The following ZNF454 variants were observed in gnomAD, a reference collection of about 807,000 sequenced individuals.
ZNF454 encodes the protein zinc finger protein 454.
In ZNF454, 30 loss-of-function variants were observed where a neutral mutation model predicts 48.2. The observed-to-expected ratio is 0.62, with a 90% CI of 0.47 to 0.84. ZNF454 has a LOEUF of 0.84. ZNF454 is among the 40% of genes least tolerant of loss of function. The pLI, the probability that ZNF454 is intolerant of heterozygous loss-of-function variation, is 0.00. For missense variants in ZNF454, 510 were observed against 623.1 expected (o/e 0.82, Z 1.93); for synonymous variants, 204 against 211.4 (o/e 0.97, Z 0.30).
chr5:178,950,323 G>A (rs1390379639), intron 4 of ZNF454, among the ~76,000 whole-genome samples: 1 of 152,222 alleles, frequency 6.6e-6, no homozygotes, highest in African/African-American at 2.4e-5. Flanking sequence ...GATTTGGGGG[G>A]ATTTGTGTTG....
At chr5:178,978,533 C>T in the ZNF454 span, 1 of 152,324 alleles carries the variant, frequency 6.6e-6, no homozygotes, top group South Asian at 2.1e-4. Context: ...TACAGAAGCT[C>T]TTCTGTAGAA....
At chr5:178,986,885 C>T in the ZNF454 span, 1 of 1,614,162 alleles carries the variant, frequency 6.2e-7, no homozygotes, top group Non-Finnish European at 8.5e-7. Context: ...TGGTACCCGC[C>T]ACTGCTGGCA....
At chr5:178,950,873 T>A (rs1448872742) in intron 4 of ZNF454, among the ~76,000 whole-genome samples, 2 of 151,908 alleles carry the variant, frequency 1.3e-5, no homozygotes, top group Admixed American at 6.6e-5. Flanking sequence ...TTTTTTTTTT[T>A]TTGAGACAAG....
the ZNF454 span, chr5:178,989,392 G>T: frequency 1.2e-6 from 2 of 1,614,118 alleles, no homozygotes; most frequent in South Asian, 2.2e-5. Flanking sequence ...GAGTCATGAA[G>T]TACTGGTCAA....
chr5:178,983,257 T>C, the ZNF454 span: 7 of 1,573,246 alleles, frequency 4.4e-6, no homozygotes, highest in South Asian at 5.5e-5. Context: ...CACAGCACTT[T>C]CCAGGGACAA....
chr5:178,955,077 CTAGGAG>C (rs1759695445), intron 4 of ZNF454, among the ~76,000 whole-genome samples: 1 of 152,152 alleles, frequency 6.6e-6, no homozygotes, highest in Non-Finnish European at 1.5e-5. Context: ...GGGTAATTGC[CTAGGAG>C]TAGGATTGCT....
intron 1 of ZNF454, 48 bp from the exon 2 acceptor site, chr5:178,942,637 G>A (rs922956939): frequency 4.5e-5 from 33 of 726,206 alleles, no homozygotes; most frequent in Non-Finnish European, 6.7e-5. Flanking sequence ...TCACTGCCTC[G>A]CTCTGGACTG....
At chr5:178,942,563 G>T in intron 1 of ZNF454, 122 bp from the exon 2 acceptor site, 1 of 509,386 alleles carries the variant, frequency 2.0e-6, no homozygotes, top group East Asian at 3.2e-5. Flanking sequence ...GAGAGAATGG[G>T]GAGCAAACAG....
At chr5:178,974,312 GGTTGTTGTT>G in the ZNF454 span, among the ~76,000 whole-genome samples, 8 of 147,738 alleles carry the variant, frequency 5.4e-5, no homozygotes, top group Non-Finnish European at 7.4e-5. Context: ...TTGTGGTTGT[GGTTGTTGTT>G]GTTGTTGTTG....
chr5:178,985,352 C>A, the ZNF454 span: 1 of 429,618 alleles, frequency 2.3e-6, no homozygotes. Context: ...GAGATGGCGG[C>A]CCTAACTGAG....
chr5:178,956,071 T>A (rs1759736504), intron 4 of ZNF454, among the ~76,000 whole-genome samples: 1 of 152,166 alleles, frequency 6.6e-6, no homozygotes, highest in Admixed American at 6.5e-5. Flanking sequence ...CTCAAAACAG[T>A]CATTTCCTAC....
At chr5:178,987,148 G>A in the ZNF454 span, 700 of 754,538 alleles carry the variant, frequency 9.3e-4, 10 homozygotes, top group South Asian at 9.8e-3. Context: ...CACCCATTGG[G>A]ATGGCTTCTA....
At chr5:178,943,618 CTCTTTT>C (rs991971633) in intron 2 of ZNF454, among the ~76,000 whole-genome samples, 2 of 152,208 alleles carry the variant, frequency 1.3e-5, no homozygotes, top group African/African-American at 4.8e-5. Context: ...ATTTACTAGA[CTCTTTT>C]TCTTTTATGA....
the ZNF454 span, chr5:178,985,590 C>T: frequency 1.4e-5 from 5 of 348,680 alleles, no homozygotes; most frequent in African/African-American, 4.4e-5. Context: ...GTAGTCCCAG[C>T]TACTCGGGAG....
At chr5:178,968,716 AC>A (rs1354596050), downstream of ZNF454, 2 of 455,514 alleles carry the variant, frequency 4.4e-6, no homozygotes, top group Non-Finnish European at 8.8e-6. Flanking sequence ...GGTCTTAACT[AC>A]CACCCCCTTA....
At chr5:178,951,392 C>T (rs1759552972) in intron 4 of ZNF454, among the ~76,000 whole-genome samples, 1 of 152,224 alleles carries the variant, frequency 6.6e-6, no homozygotes, top group Non-Finnish European at 1.5e-5. Context: ...CTGTGCCTCT[C>T]TTTGTGTTTT....
chr5:178,974,755 G>A, the ZNF454 span, among the ~76,000 whole-genome samples: 1 of 152,220 alleles, frequency 6.6e-6, no homozygotes, highest in Admixed American at 6.5e-5. Context: ...AGGGATGGAT[G>A]ATTACCTATC....
Position 178,946,589 on chromosome 5 carries a change from G to A in ZNF454, c.160+104G>A, listed in dbSNP as rs1581858997. On this transcript the variant is annotated intron_variant, in intron 3 of 4. Coordinates refer to ENST00000519564, the MANE Select transcript of ZNF454 (RefSeq NM_001178089.3). This position sits in a 1 kb window ranked among gnomAD's most constrained non-coding sequence, Gnocchi z 4.5. ...GTCGGTTGGACCAACTGAGGACGCT[G>A]TCTTCAAGGGTGCCATTAATTTTAC... is the stretch of plus-strand genomic sequence containing the variant. 6.9e-7 allele frequency: 1 copy of A among 1,440,964 alleles called. No homozygotes were observed. Among genetic ancestry groups the A allele is most frequent in the East Asian group, 2.3e-5 (1 of 42,810 alleles). The allele number at this position is 1,440,964 out of a possible 1,614,324, so 89.3% of individuals were successfully genotyped here.
At chr5:178,961,241 T>C (rs1008287241) in intron 4 of ZNF454, among the ~76,000 whole-genome samples, 1 of 151,640 alleles carries the variant, frequency 6.6e-6, no homozygotes, top group African/African-American at 2.4e-5. Context: ...CAATCTTAGT[T>C]TTTAAAAATA....
Sources: allele counts gnomAD v4.1 joint callset (sites outside exome capture counted in the v4.1 genomes callset), GRCh38; gene constraint gnomAD v4.1.1; non-coding constraint Gnocchi (gnomAD v3.1); transcripts MANE v1.5; gene names NCBI Gene and HGNC (gene_info 2026-07-23, HGNC 2026-07-21).